Variants in NLGN1 observed in about 807,000 individuals in gnomAD.
NLGN1 encodes the protein neuroligin-1.
NLGN1 carries 12 observed loss-of-function variants against 65.5 expected under a neutral mutation model. That is an observed-to-expected ratio of 0.18 (90% CI 0.12 to 0.30). NLGN1 has a LOEUF of 0.30. NLGN1 is among the 10% of genes least tolerant of loss of function. The pLI is 1.00. For missense variants in NLGN1, 750 were observed against 1,007.1 expected (o/e 0.74, Z 3.46); for synonymous variants, 350 against 359.5 (o/e 0.97, Z 0.30).
intron 3 of NLGN1, among the ~76,000 whole-genome samples, chr3:173,704,656 T>G (rs1170261346): frequency 6.6e-6 from 1 of 152,184 alleles, no homozygotes; most frequent in Admixed American, 6.5e-5. Context: ...CCTACTTGCC[T>G]TCTTCATGAC....
At position 173,475,132 on chromosome 3, in the gene NLGN1, G is replaced by C. The variant is rs186814012; in HGVS notation, c.-321+40054G>C. On this transcript the variant is annotated intron_variant, in intron 2 of 6. Coordinates refer to ENST00000457714, the Ensembl canonical transcript of NLGN1. The stretch of plus-strand genomic sequence containing the variant: ...CTAATAGATTTTCCAACATAGAAAA[G>C]AAGTGTCTTACTAATTAATTTCCAA... 1.9e-3 allele frequency among the ~76,000 whole-genome samples: 285 copies of C among 152,174 alleles called. 1 individual carries two copies. Among genetic ancestry groups the C allele is most frequent in the African/African-American group, 6.8e-3 (281 of 41,532 alleles).
exon 7 of NLGN1, chr3:174,283,460 G>A (rs1003796035): frequency 3.3e-5 from 5 of 151,394 alleles, no homozygotes; most frequent in Admixed American, 2.0e-4. Flanking sequence ...AGTCATCAAG[G>A]AAAAGGTCTA....
intron 2 of NLGN1, among the ~76,000 whole-genome samples, chr3:173,496,852 TAATCGAACTCTAGGATTTTG>T (rs1730109397): frequency 6.6e-6 from 1 of 151,922 alleles, no homozygotes; most frequent in South Asian, 2.1e-4. Context: ...AATTCCTTTT[TAATCGAACTCTAGGATTTTG>T]AATCTTAGCG....
chr3:173,555,363 G>C (rs1411937477), intron 2 of NLGN1, among the ~76,000 whole-genome samples: 1 of 152,104 alleles, frequency 6.6e-6, no homozygotes, highest in African/African-American at 2.4e-5. Flanking sequence ...TTCTTATGTG[G>C]TTCCATCCAT....
At chr3:173,526,072 CTGT>C (rs1250240768) in intron 2 of NLGN1, among the ~76,000 whole-genome samples, 3 of 151,960 alleles carry the variant, frequency 2.0e-5, no homozygotes, top group Non-Finnish European at 2.9e-5. Context: ...AATGTATATT[CTGT>C]TGTTGTTGGG....
chr3:174,051,208 C>T (rs946754303), intron 4 of NLGN1, among the ~76,000 whole-genome samples: 2 of 152,042 alleles, frequency 1.3e-5, no homozygotes, highest in Non-Finnish European at 2.9e-5. Context: ...TAGTGACTCA[C>T]CTAAGTTTCC....
chr3:173,752,701 TTGAA>T (rs1214482619), intron 3 of NLGN1, among the ~76,000 whole-genome samples: 1 of 152,114 alleles, frequency 6.6e-6, no homozygotes, highest in Non-Finnish European at 1.5e-5. Flanking sequence ...CTAAACCACA[TTGAA>T]TGGGTCACCA....
chr3:173,728,164 C>T lies in NLGN1; in HGVS notation c.494-79516C>T, dbSNP rs569515833. Among the ~76,000 whole-genome samples the T allele has an allele frequency of 4.1e-4, 62 of 151,878 alleles. 1 individual carries two copies. The highest frequency in any genetic ancestry group is 1.4e-3 in the African/African-American group (58 of 41,426). The stretch of plus-strand genomic sequence containing the variant: ...TGAGGCACTAAGGTTGGGTAGAATT[C>T]GAAGTGAGAGAGAAGAATGGATGTG... On this transcript the variant is annotated intron_variant, in intron 3 of 6. Coordinates refer to ENST00000457714, the Ensembl canonical transcript of NLGN1.
intron 4 of NLGN1, among the ~76,000 whole-genome samples, chr3:174,091,863 C>T (rs1213133850): frequency 1.3e-5 from 2 of 152,176 alleles, no homozygotes; most frequent in Non-Finnish European, 2.9e-5. Flanking sequence ...TATTTTACTA[C>T]TGTTATAAGC....
At chr3:173,650,756 A>G (rs1230174792) in intron 3 of NLGN1, among the ~76,000 whole-genome samples, 1 of 152,148 alleles carries the variant, frequency 6.6e-6, no homozygotes, top group Non-Finnish European at 1.5e-5. Flanking sequence ...TTTACTATAC[A>G]CGAAGTTTTC....
intron 4 of NLGN1, among the ~76,000 whole-genome samples, chr3:174,159,216 C>G (rs1726039698): frequency 6.6e-6 from 1 of 151,526 alleles, no homozygotes; most frequent in Non-Finnish European, 1.5e-5. Flanking sequence ...CTTTGAAAGC[C>G]AATTATGAAA....
At chr3:173,774,448 T>A (rs1471147381) in intron 3 of NLGN1, among the ~76,000 whole-genome samples, 17 of 152,166 alleles carry the variant, frequency 1.1e-4, no homozygotes, top group Non-Finnish European at 5.9e-5. Flanking sequence ...GTATTCAATG[T>A]CTTTTTGAGA....
intron 2 of NLGN1, among the ~76,000 whole-genome samples, chr3:173,570,921 C>G (rs1577329083): frequency 6.6e-6 from 1 of 152,100 alleles, no homozygotes; most frequent in African/African-American, 2.4e-5. Context: ...TCAGGCTGGT[C>G]TCGAACTGCT....
intron 4 of NLGN1, among the ~76,000 whole-genome samples, chr3:173,938,004 T>C (rs367704783): frequency 6.6e-6 from 1 of 152,150 alleles, no homozygotes; most frequent in Non-Finnish European, 1.5e-5. Flanking sequence ...ATAACACTTA[T>C]AACAATAAAC....
chr3:173,759,840 T>A (rs1451164972), intron 3 of NLGN1, among the ~76,000 whole-genome samples: 6 of 151,984 alleles, frequency 3.9e-5, no homozygotes, highest in Non-Finnish European at 8.8e-5. Flanking sequence ...TTTTTATTTT[T>A]AAATTATTTC....
intron 4 of NLGN1, chr3:173,912,683 C>T (rs568070963): frequency 3.3e-5 from 5 of 152,038 alleles, no homozygotes; most frequent in African/African-American, 1.2e-4. Flanking sequence ...TAAGCATGAT[C>T]TAATAATCAT....
chr3:174,176,802 T>C (rs774572720), intron 4 of NLGN1, among the ~76,000 whole-genome samples: 12 of 152,068 alleles, frequency 7.9e-5, no homozygotes, highest in Non-Finnish European at 1.5e-4. Flanking sequence ...GTTAATATCA[T>C]TTGGCTTCAT....
chr3:173,626,944 G>T (rs369316746), intron 3 of NLGN1, among the ~76,000 whole-genome samples: 1 of 151,980 alleles, frequency 6.6e-6, no homozygotes, highest in African/African-American at 2.4e-5. Context: ...GGAAAAGGTA[G>T]ATTTTCCTTA....
intron 4 of NLGN1, among the ~76,000 whole-genome samples, chr3:174,052,610 T>C (rs1434964452): frequency 6.6e-6 from 1 of 151,982 alleles, no homozygotes; most frequent in East Asian, 1.9e-4. Flanking sequence ...CTGGAACCAA[T>C]CAGATTTATG....
Sources: allele counts gnomAD v4.1 joint callset (sites outside exome capture counted in the v4.1 genomes callset), GRCh38; gene constraint gnomAD v4.1.1; transcripts MANE v1.5; gene names NCBI Gene and HGNC (gene_info 2026-07-23, HGNC 2026-07-21).